CADPS2: variants seen among roughly 807,000 people sequenced by gnomAD.
The protein encoded by CADPS2 is calcium dependent secretion activator 2, also known as calcium-dependent secretion activator 2.
Under a neutral mutation model 172.5 loss-of-function variants are expected in CADPS2, and 93 were observed. The observed-to-expected ratio is 0.54, with a 90% CI of 0.46 to 0.64. The LOEUF (loss-of-function observed/expected upper bound fraction) is 0.64. CADPS2 is among the 30% of genes least tolerant of loss of function. CADPS2 has a pLI of 0.00. For synonymous variants in CADPS2, 546 were observed against 555.2 expected (o/e 0.98, Z 0.23); for missense variants, 1,420 against 1,565.9 (o/e 0.91, Z 1.57).
intron 19 of CADPS2, among the ~76,000 whole-genome samples, chr7:122,409,886 C>T (rs1443799212): frequency 6.6e-6 from 1 of 152,214 alleles, no homozygotes; most frequent in Non-Finnish European, 1.5e-5. Flanking sequence ...CATCCATCTA[C>T]AGGGTACTAA....
At chr7:122,725,520 A>G (rs374173470) in intron 2 of CADPS2, among the ~76,000 whole-genome samples, 45 of 150,424 alleles carry the variant, frequency 3.0e-4, no homozygotes, top group Admixed American at 2.8e-3. Flanking sequence ...CACGTACCCA[A>G]TAGGTAGTAT....
chr7:122,660,178 G>C (rs2080361879), intron 3 of CADPS2, among the ~76,000 whole-genome samples: 1 of 152,076 alleles, frequency 6.6e-6, no homozygotes, highest in Admixed American at 6.6e-5. Flanking sequence ...AGAATATATT[G>C]GGGGTTATAG....
intron 2 of CADPS2, among the ~76,000 whole-genome samples, chr7:122,678,943 CCTGT>C (rs1199849370): frequency 1.3e-5 from 2 of 152,086 alleles, no homozygotes; most frequent in African/African-American, 4.8e-5. Flanking sequence ...ATTTCCTATG[CCTGT>C]CTTTTATCTC....
intron 12 of CADPS2, among the ~76,000 whole-genome samples, chr7:122,477,299 G>C (rs2056807915): frequency 6.6e-6 from 1 of 151,790 alleles, no homozygotes; most frequent in African/African-American, 2.4e-5. Context: ...AATCACCTGG[G>C]GCCAGGAGTT....
chr7:122,775,052 T>C (rs114285450), intron 1 of CADPS2, among the ~76,000 whole-genome samples: 1,943 of 152,290 alleles, frequency 0.013, 26 homozygotes, highest in East Asian at 0.06. Flanking sequence ...TTAACCTACT[T>C]CTAGAAGTTT....
intron 1 of CADPS2, among the ~76,000 whole-genome samples, chr7:122,777,338 G>A (rs556866465): frequency 2.2e-4 from 34 of 152,284 alleles, no homozygotes; most frequent in African/African-American, 8.2e-4. Context: ...TCAAGATCCA[G>A]TATGGCTGTT....
intron 28 of CADPS2, among the ~76,000 whole-genome samples, chr7:122,343,524 A>G (rs1161460979): frequency 1.3e-5 from 2 of 152,220 alleles, no homozygotes; most frequent in African/African-American, 4.8e-5. Context: ...GAAGTAGAGA[A>G]TAACTTCAAG....
At chr7:122,840,569 GA>G in intron 1 of CADPS2, among the ~76,000 whole-genome samples, 1 of 117,822 alleles carries the variant, frequency 8.5e-6, no homozygotes, top group Admixed American at 8.3e-5. Context: ...AAAAAAAAAA[GA>G]AAAGCCATCA....
At chr7:122,691,700 G>A (rs1166499543) in intron 2 of CADPS2, among the ~76,000 whole-genome samples, 7 of 152,178 alleles carry the variant, frequency 4.6e-5, no homozygotes, top group African/African-American at 1.7e-4. Flanking sequence ...TGGCTCTCTG[G>A]AGCAATGTTG....
chr7:122,329,691 T>G (rs1202879241), intron 28 of CADPS2, among the ~76,000 whole-genome samples: 1 of 152,242 alleles, frequency 6.6e-6, no homozygotes, highest in African/African-American at 2.4e-5. Flanking sequence ...ACGTATTGCC[T>G]GGAAACAAGC....
At chr7:122,435,844 G>A (rs183966386) in intron 17 of CADPS2, among the ~76,000 whole-genome samples, 6 of 152,018 alleles carry the variant, frequency 3.9e-5, no homozygotes, top group Admixed American at 3.3e-4. Flanking sequence ...ACAAATTTCT[G>A]GCTTAATAGT....
chr7:122,644,547 G>A (rs1415030841), intron 3 of CADPS2, among the ~76,000 whole-genome samples: 4 of 152,066 alleles, frequency 2.6e-5, no homozygotes, highest in Non-Finnish European at 4.4e-5. Context: ...AATGGTGAAC[G>A]ACTTGCGTTA....
chr7:122,469,259 C>A (rs2055575290), intron 14 of CADPS2, among the ~76,000 whole-genome samples: 1 of 152,148 alleles, frequency 6.6e-6, no homozygotes, highest in Non-Finnish European at 1.5e-5. Context: ...GAATTTTCCA[C>A]CTTAGGTTCC....
intron 4 of CADPS2, among the ~76,000 whole-genome samples, chr7:122,625,023 A>G (rs893996888): frequency 6.6e-6 from 1 of 151,442 alleles, no homozygotes; most frequent in Non-Finnish European, 1.5e-5. Flanking sequence ...CTTTGAGCTA[A>G]AAGTGGATAA....
At chr7:122,569,330 T>G (rs1488500872) in intron 7 of CADPS2, among the ~76,000 whole-genome samples, 2 of 151,954 alleles carry the variant, frequency 1.3e-5, no homozygotes, top group African/African-American at 4.8e-5. Flanking sequence ...ACAAGGGATG[T>G]GAAGGACCTC....
At chr7:122,465,830 T>C (rs1241108093) in intron 14 of CADPS2, among the ~76,000 whole-genome samples, 1 of 152,174 alleles carries the variant, frequency 6.6e-6, no homozygotes, top group African/African-American at 2.4e-5. Context: ...GTAACCTAGA[T>C]ACCCAATCCT....
chr7:122,414,274 G>T (rs1027328914), intron 18 of CADPS2, among the ~76,000 whole-genome samples, 198 bp from the exon 19 acceptor site: 1 of 152,026 alleles, frequency 6.6e-6, no homozygotes, highest in Non-Finnish European at 1.5e-5. Context: ...CATTTTAATT[G>T]TGTTTGGATA....
At chr7:122,651,424 C>A (rs1203612166) in intron 3 of CADPS2, among the ~76,000 whole-genome samples, 1 of 152,246 alleles carries the variant, frequency 6.6e-6, no homozygotes, top group South Asian at 2.1e-4. Flanking sequence ...CCACGGTGAC[C>A]ACAGCAACTG....
intron 1 of CADPS2, among the ~76,000 whole-genome samples, chr7:122,815,132 G>A (rs1800991484): frequency 6.6e-6 from 1 of 152,088 alleles, no homozygotes; most frequent in Non-Finnish European, 1.5e-5. Context: ...CATATAGACT[G>A]CAACATAGCT....
Sources: gnomAD v4.1 joint callset for allele counts (sites outside exome capture counted in the v4.1 genomes callset) on GRCh38, gnomAD v4.1.1 for gene constraint, MANE v1.5 for transcripts, NCBI Gene and HGNC (gene_info 2026-07-23, HGNC 2026-07-21) for gene names.